The following FGF2 variants were observed in gnomAD, a reference collection of about 807,000 sequenced individuals.
FGF2 encodes the protein fibroblast growth factor 2.
Under a neutral mutation model 15.9 loss-of-function variants are expected in FGF2, and 13 were observed. That is an observed-to-expected ratio of 0.82 (90% CI 0.53 to 1.30). The LOEUF (loss-of-function observed/expected upper bound fraction) is 1.30. Among genes scored for constraint, FGF2 ranks in the 50% most tolerant of loss-of-function variants. FGF2 has a pLI of 0.00. For synonymous variants in FGF2, 90 were observed against 78.4 expected (o/e 1.15, Z -0.78); for missense variants, 163 against 196.9 (o/e 0.83, Z 1.03).
chr4:122,857,326 A>C lies in FGF2; in HGVS notation c.179-18995A>C, dbSNP rs571637764. ...CCTGTCAACTTGTGACTATTTACTG[A>C]TGAGTACTGGGACTTTGAACTCCCC... On this transcript the variant is annotated intron_variant, in intron 1 of 2. Transcript: ENST00000644866. Among the ~76,000 whole-genome samples the C allele has an allele frequency of 9.9e-5, 15 of 152,262 alleles. No individual in the cohort carries two copies. In the South Asian group the frequency reaches 2.7e-3, roughly 27 times the overall value.
chr4:122,856,242 T>C (rs1433753885), intron 1 of FGF2, among the ~76,000 whole-genome samples: 1 of 152,190 alleles, frequency 6.6e-6, no homozygotes, highest in African/African-American at 2.4e-5. Flanking sequence ...CAATATTCAT[T>C]TGGCTTTAAG....
chr4:122,880,484 G>A (rs953057612), intron 2 of FGF2, among the ~76,000 whole-genome samples: 7 of 151,970 alleles, frequency 4.6e-5, no homozygotes, highest in African/African-American at 7.3e-5. Flanking sequence ...TCCCAACCTC[G>A]TGATCTTCCC....
intron 1 of FGF2, among the ~76,000 whole-genome samples, chr4:122,864,599 C>T (rs745832286): frequency 6.6e-6 from 1 of 152,168 alleles, no homozygotes; most frequent in African/African-American, 2.4e-5. Context: ...TTGGGTGATA[C>T]GTCTCCAAAC....
rs1305462474 is a variant in FGF2, at chr4:122,896,341, A to G, written c.*3945A>G. ...AGTAAGTACAGCTGAAATTCAGAGG[A>G]CCCATAAGAGTTCACATGAAAAAAA... On this transcript the variant is annotated 3_prime_UTR_variant, in exon 3 of 3. Coordinates refer to ENST00000644866, the MANE Select transcript of FGF2 (RefSeq NM_001361665.2). 3 of 152,584 alleles carry G rather than the reference A, an allele frequency of 2.0e-5. No homozygotes were observed. The highest frequency in any genetic ancestry group is 4.4e-5 in the Non-Finnish European group (3 of 68,030). 9.5% of individuals were successfully genotyped at this position (152,584 alleles called of 1,614,324 possible). A position where few individuals can be genotyped will look rare whatever the true frequency, so the allele number is the denominator to read the frequency against.
At position 122,896,700 on chromosome 4, in the gene FGF2, G is replaced by C. The variant is rs1727367365; in HGVS notation, c.*4304G>C. On this transcript the variant is annotated 3_prime_UTR_variant, in exon 3 of 3. Transcript: ENST00000644866. ...TTTTCTGATGGATTGTTACGAGTTGGCTATATAATGTATGTATGGTATTTT... is the reference window on the plus strand; with the variant it reads ...TTTTCTGATGGATTGTTACGAGTTGCCTATATAATGTATGTATGGTATTTT... 1 of 152,104 alleles carries C rather than the reference G, an allele frequency of 6.6e-6. No homozygotes were observed. The highest frequency in any genetic ancestry group is 2.4e-5 in the African/African-American group (1 of 41,428). The allele number at this position is 152,104 out of a possible 1,614,324, so 9.4% of individuals were successfully genotyped here. A position where few individuals can be genotyped will look rare whatever the true frequency, so the allele number is the denominator to read the frequency against.
At position 122,827,487 on chromosome 4, in the gene FGF2, C is replaced by A; in HGVS notation, c.178+135C>A. ...TCCGTGTGGTTTCTGGCCGCGCGGC[C>A]CTCGGCGGTTTCGGGTTCACCACTC... is the stretch of plus-strand genomic sequence containing the variant. On this transcript the variant is annotated intron_variant, in intron 1 of 2. Coordinates refer to ENST00000644866, the MANE Select transcript of FGF2 (RefSeq NM_001361665.2). The surrounding 1 kb of genome is among the most constrained non-coding windows in gnomAD (Gnocchi z 4.2). 9.5e-7 allele frequency: 1 copy of A among 1,057,394 alleles called. No individual in the cohort carries two copies. Among genetic ancestry groups the A allele is most frequent in the Non-Finnish European group, 1.4e-6 (1 of 711,746 alleles). The allele number at this position is 1,057,394 out of a possible 1,614,324, so 65.5% of individuals were successfully genotyped here.
chr4:122,860,039 G>C (rs1356159915), intron 1 of FGF2, among the ~76,000 whole-genome samples: 1 of 151,990 alleles, frequency 6.6e-6, no homozygotes, highest in African/African-American at 2.4e-5. Flanking sequence ...ACTCTTGTGG[G>C]GTTTCATTAA....
chr4:122,897,374 CCAGAAGCAGT>C lies in FGF2; in HGVS notation c.*4981_*4990del. On this transcript the variant is annotated 3_prime_UTR_variant, in exon 3 of 3. Coordinates refer to ENST00000644866, the MANE Select transcript of FGF2 (RefSeq NM_001361665.2). The stretch of plus-strand genomic sequence containing the variant: ...GCTTCTCATTTTCAGACAGATTAAT[CCAGAAGCAGT>C]CATAAACAGAAGAATAGGTGGTATG... 2 of 467,050 alleles carry C rather than the reference CCAGAAGCAGT, an allele frequency of 4.3e-6. No individual in the cohort carries two copies. Among genetic ancestry groups the C allele is most frequent in the South Asian group, 5.4e-5 (2 of 36,708 alleles). The allele number at this position is 467,050 out of a possible 1,614,324, so 28.9% of individuals were successfully genotyped here.
Position 122,892,842 on chromosome 4 carries a change from T to A in FGF2, c.*446T>A, listed in dbSNP as rs1411117195. On this transcript the variant is annotated 3_prime_UTR_variant, in exon 3 of 3. Transcript: ENST00000644866. Reference sequence around the variant, plus strand: ...TAAATGTGAATTTAATCAATTCCTTTCATAGTTTTATAATTCTCTGGCAGT... The same window carrying A: ...TAAATGTGAATTTAATCAATTCCTTACATAGTTTTATAATTCTCTGGCAGT... 1 of 1,601,178 alleles carries A rather than the reference T, an allele frequency of 6.2e-7. No homozygotes were observed. Among genetic ancestry groups the A allele is most frequent in the Non-Finnish European group, 8.5e-7 (1 of 1,172,352 alleles).
rs1344407240 is a variant in FGF2, at chr4:122,896,541, T to C, written c.*4145T>C. On this transcript the variant is annotated 3_prime_UTR_variant, in exon 3 of 3. Coordinates refer to ENST00000644866, the MANE Select transcript of FGF2 (RefSeq NM_001361665.2). ...TGAGAGAATTAGGCTGTAGAACAAATGGCCTTCTCTTTCAGCATTCACACC... is the reference window on the plus strand; with the variant it reads ...TGAGAGAATTAGGCTGTAGAACAAACGGCCTTCTCTTTCAGCATTCACACC... 2 of 152,100 alleles carry C rather than the reference T, an allele frequency of 1.3e-5. No homozygotes were observed. The highest frequency in any genetic ancestry group is 2.9e-5 in the Non-Finnish European group (2 of 68,022). 9.4% of individuals were successfully genotyped at this position (152,100 alleles called of 1,614,324 possible). A position where few individuals can be genotyped will look rare whatever the true frequency, so the allele number is the denominator to read the frequency against.
Position 122,893,378 on chromosome 4 carries a change from A to G in FGF2, c.*982A>G. On this transcript the variant is annotated 3_prime_UTR_variant, in exon 3 of 3. Transcript: ENST00000644866. ...AATACAAATTCTTTGCCTTGTGGAT[A>G]TCAAGAAATCCCAAAATATTTTCTT... 1.6e-6 allele frequency: 1 copy of G among 619,400 alleles called. No individual in the cohort carries two copies. Among genetic ancestry groups the G allele is most frequent in the Non-Finnish European group, 2.5e-6 (1 of 398,994 alleles). 38.4% of individuals were successfully genotyped at this position (619,400 alleles called of 1,614,324 possible).
rs1727388875 is a variant in FGF2, at chr4:122,897,232, T to G, written c.*4836T>G. ...TTCAAAGTTCATTTAAAGGCTACTATTCATCCTCTGTGATGGAATGGTCAG... is the reference window on the plus strand; with the variant it reads ...TTCAAAGTTCATTTAAAGGCTACTAGTCATCCTCTGTGATGGAATGGTCAG... On this transcript the variant is annotated 3_prime_UTR_variant, in exon 3 of 3. Coordinates refer to ENST00000644866, the MANE Select transcript of FGF2 (RefSeq NM_001361665.2). 5.9e-6 allele frequency: 1 copy of G among 168,244 alleles called. No individual in the cohort carries two copies. The highest frequency in any genetic ancestry group is 2.4e-5 in the African/African-American group (1 of 41,728). 10.4% of individuals were successfully genotyped at this position (168,244 alleles called of 1,614,324 possible). A position where few individuals can be genotyped will look rare whatever the true frequency, so the allele number is the denominator to read the frequency against.
At chr4:122,837,353 A>G (rs1313363439) in intron 1 of FGF2, among the ~76,000 whole-genome samples, 1 of 152,216 alleles carries the variant, frequency 6.6e-6, no homozygotes, top group East Asian at 1.9e-4. Flanking sequence ...GTGGCCTTAC[A>G]TCAATAGGAA....
intron 1 of FGF2, among the ~76,000 whole-genome samples, chr4:122,831,638 A>G (rs1725768539): frequency 6.6e-6 from 1 of 152,258 alleles, no homozygotes; most frequent in Non-Finnish European, 1.5e-5. Flanking sequence ...CAGCAATGAA[A>G]GGACAATTCA....
intron 2 of FGF2, chr4:122,883,059 G>A (rs1468330000): frequency 6.6e-6 from 1 of 152,184 alleles, no homozygotes; most frequent in Non-Finnish European, 1.5e-5. Flanking sequence ...GATGTGCCTC[G>A]TAACTTGAAG....
At chr4:122,882,438 C>G (rs767899307) in intron 2 of FGF2, 7 of 152,102 alleles carry the variant, frequency 4.6e-5, no homozygotes, top group Non-Finnish European at 8.8e-5. Flanking sequence ...ATTAAGCTTC[C>G]CAAACTGTTG....
chr4:122,889,514 CA>C (rs1727125949), intron 2 of FGF2, among the ~76,000 whole-genome samples: 3 of 85,666 alleles, frequency 3.5e-5, no homozygotes, highest in Admixed American at 1.1e-4. Context: ...AGAATGGAGA[CA>C]ATTGAAAATT....
chr4:122,826,716 G>C, upstream of FGF2: 1 of 1,255,712 alleles, frequency 8.0e-7, no homozygotes, highest in Non-Finnish European at 1.0e-6. Flanking sequence ...GCCGGCCCCA[G>C]AAAACCCGAG....
At position 122,827,283 on chromosome 4, in the gene FGF2, G is replaced by C; in HGVS notation, c.109G>C (p.Gly37Arg). Residue 37 changes from glycine (G) to arginine (R), a missense_variant, in exon 1 of 3, where the codon GGG (glycine) becomes CGG (arginine). Transcript: ENST00000644866. This position sits in a 1 kb window ranked among gnomAD's most constrained non-coding sequence, Gnocchi z 4.2. The part of the protein sequence containing the change: ...KDPKRLYCKN[G>R]GFFLRIHPDG... Reference sequence around the variant, plus strand: ...CCCCAAGCGGCTGTACTGCAAAAACGGGGGCTTCTTCCTGCGCATCCACCC... The same window carrying C: ...CCCCAAGCGGCTGTACTGCAAAAACCGGGGCTTCTTCCTGCGCATCCACCC... The C allele has an allele frequency of 1.9e-6, 3 of 1,612,864 alleles. No individual in the cohort carries two copies. Among genetic ancestry groups the C allele is most frequent in the African/African-American group, 1.3e-5 (1 of 75,038 alleles).
Sources: gnomAD v4.1 joint callset for allele counts (sites outside exome capture counted in the v4.1 genomes callset) on GRCh38, gnomAD v4.1.1 for gene constraint, Gnocchi (gnomAD v3.1) non-coding constraint, MANE v1.5 for transcripts, NCBI Gene and HGNC (gene_info 2026-07-23, HGNC 2026-07-21) for gene names.